Variants in CFAP43 observed in about 807,000 individuals in gnomAD.
CFAP43 encodes cilia and flagella associated protein 43, also known as cilia- and flagella-associated protein 43.
A neutral mutation model predicts 218.9 loss-of-function variants in CFAP43; 155 were observed. The ratio of observed to expected loss-of-function variants is 0.71; its 90% confidence interval spans 0.62 to 0.81. CFAP43 has a LOEUF of 0.81. Among genes scored for constraint, CFAP43 ranks in the 30% least tolerant of loss-of-function variants. CFAP43 has a pLI of 0.00. For missense variants in CFAP43, 1,778 were observed against 1,954.3 expected, an observed-to-expected ratio of 0.91 and a Z score of 1.70; for synonymous variants, 645 against 681.3, an observed-to-expected ratio of 0.95 and a Z score of 0.83.
chr10:104,166,395 C>T, intron 23 of CFAP43, 93 bp downstream of exon 23: 1 of 889,264 alleles, frequency 1.1e-6, no homozygotes, highest in Non-Finnish European at 1.7e-6. Context: ...TTTAAATCAT[C>T]ATTTGATTGG....
intron 15 of CFAP43, 90 bp from the exon 16 acceptor site, chr10:104,185,236 A>C: frequency 2.6e-6 from 4 of 1,515,584 alleles, no homozygotes; most frequent in Non-Finnish European, 3.6e-6. Flanking sequence ...TTTTTTGTGG[A>C]TAAATCATTT....
At chr10:104,201,920 T>TGG (rs1415453831) in intron 8 of CFAP43, among the ~76,000 whole-genome samples, 3 of 152,202 alleles carry the variant, frequency 2.0e-5, no homozygotes, top group African/African-American at 7.2e-5. Context: ...ACTGAAAAGA[T>TGG]GTTTTCATTG....
intron 35 of CFAP43, 28 bp downstream of exon 35, chr10:104,133,592 A>C: frequency 6.3e-7 from 1 of 1,589,112 alleles, no homozygotes; most frequent in Non-Finnish European, 8.5e-7. Context: ...TAAAATTAAA[A>C]CTATGTAGGG....
chr10:104,199,522 C>A (rs886197791), intron 8 of CFAP43, among the ~76,000 whole-genome samples: 1 of 152,080 alleles, frequency 6.6e-6, no homozygotes, highest in Admixed American at 6.5e-5. Flanking sequence ...CCTGCCCTCA[C>A]GGAACTTACC....
At chr10:104,225,840 G>A (rs1321842272) in intron 2 of CFAP43, among the ~76,000 whole-genome samples, 1 of 152,214 alleles carries the variant, frequency 6.6e-6, no homozygotes, top group East Asian at 1.9e-4. Flanking sequence ...GTATGTCCCA[G>A]CATGGTCTGA....
rs1393841961 is a variant in CFAP43 at position 104,179,078 on chromosome 10, G to A, written c.2411C>T (p.Ser804Phe). The A allele has an allele frequency of 9.3e-6, 15 of 1,612,620 alleles. No homozygotes were observed. The African/African-American group carries it at 9.4e-5, about 10-fold the overall frequency. The change falls in exon 19 of 38, where the codon TCC becomes TTC. Residue 804 changes from serine (S) to phenylalanine (F), a missense_variant. Ser to Phe is a radical substitution (Grantham distance 155). Coordinates refer to ENST00000357060, the MANE Select transcript of CFAP43 (RefSeq NM_025145.7). Reference protein sequence around the residue: ...EAIKKEVNLFSKKRKEIKQGI... With the variant: ...EAIKKEVNLFFKKRKEIKQGI... ...TTGTTTTATCTCTTTCCTTTTCTTG[G>A]AAAACAGATTAACCTCCTTTTTGAT...
chr10:104,179,192 GA>G, intron 18 of CFAP43, 86 bp from the exon 19 acceptor site: 1 of 1,143,120 alleles, frequency 8.7e-7, no homozygotes, highest in Admixed American at 2.3e-5. Flanking sequence ...CAATTCTCTA[GA>G]AACAGAAACT....
At chr10:104,166,045 A>G (rs1392259707) in intron 23 of CFAP43, among the ~76,000 whole-genome samples, 1 of 152,118 alleles carries the variant, frequency 6.6e-6, no homozygotes, top group Non-Finnish European at 1.5e-5. Flanking sequence ...CAGTATCTGT[A>G]TATTCCTCTA....
At chr10:104,208,849 T>C (rs1449708405) in intron 5 of CFAP43, among the ~76,000 whole-genome samples, 1 of 152,188 alleles carries the variant, frequency 6.6e-6, no homozygotes, top group East Asian at 1.9e-4. Context: ...AAGTTCATGA[T>C]CTTGGATCCA....
intron 9 of CFAP43, 148 bp from the exon 10 acceptor site, chr10:104,197,081 A>C: frequency 1.7e-6 from 1 of 576,694 alleles, no homozygotes; most frequent in Non-Finnish European, 3.0e-6. Context: ...TATCATTTCA[A>C]CGCCAATGCT....
At chr10:104,178,079 G>A (rs2089693474) in intron 19 of CFAP43, among the ~76,000 whole-genome samples, 1 of 152,158 alleles carries the variant, frequency 6.6e-6, no homozygotes, top group African/African-American at 2.4e-5. Context: ...CAGCAGTCCT[G>A]CATAGGAAGC....
chr10:104,180,115 G>A (rs1020167009), intron 17 of CFAP43, among the ~76,000 whole-genome samples, 183 bp from the exon 18 acceptor site: 2 of 152,122 alleles, frequency 1.3e-5, no homozygotes, highest in Non-Finnish European at 2.9e-5. Context: ...CCACCAGTCT[G>A]CCCTTATAGT....
At chr10:104,182,634 A>C (rs1482898269) in intron 16 of CFAP43, 121 bp from the exon 17 acceptor site, 2 of 953,432 alleles carry the variant, frequency 2.1e-6, no homozygotes, top group Admixed American at 3.9e-5. Flanking sequence ...CCAAGGAAAT[A>C]TGTGGACAAT....
chr10:104,164,383 T>C (rs1374750895), intron 23 of CFAP43, 83 bp from the exon 24 acceptor site: 16 of 1,109,178 alleles, frequency 1.4e-5, no homozygotes, highest in Non-Finnish European at 1.8e-5. Context: ...ACTTTCCCTC[T>C]AAAATCATTC....
intron 4 of CFAP43, 125 bp downstream of exon 4, chr10:104,214,134 T>C: frequency 1.3e-6 from 1 of 790,600 alleles, no homozygotes; most frequent in Non-Finnish European, 1.8e-6. Context: ...CGTATGTGTG[T>C]GTATGTGTGT....
At chr10:104,223,504 A>T (rs770077467) in intron 3 of CFAP43, among the ~76,000 whole-genome samples, 1 of 152,228 alleles carries the variant, frequency 6.6e-6, no homozygotes, top group Non-Finnish European at 1.5e-5. Context: ...TCACACAGCT[A>T]GTAATTTGTG....
Position 104,133,795 on chromosome 10 carries a change from G to C in CFAP43, c.4432-11C>G, listed in dbSNP as rs1451515248. On this transcript the variant is annotated splice_polypyrimidine_tract_variant and intron_variant, in intron 34 of 37. Transcript: ENST00000357060. ...CTTTTGTCCTTGAGTCTTTAAAAAA[G>C]TACATTAGATATCCATATAATATGA... 5.7e-6 allele frequency: 9 copies of C among 1,590,634 alleles called. No homozygotes were observed. Among genetic ancestry groups the C allele is most frequent in the Non-Finnish European group, 7.7e-6 (9 of 1,169,228 alleles).
intron 3 of CFAP43, among the ~76,000 whole-genome samples, chr10:104,224,086 A>G (rs1458953465): frequency 2.0e-5 from 3 of 152,216 alleles, no homozygotes; most frequent in Admixed American, 6.5e-5. Flanking sequence ...CTCTGTCGCC[A>G]AGGCTGGAGT....
In CFAP43 at chr10:104,188,302, T is replaced by C; in HGVS notation, c.1655A>G (p.Glu552Gly). The change falls in exon 13 of 38, where the codon GAG becomes GGG. Residue 552 changes from glutamate (E) to glycine (G), a missense_variant. Glu to Gly is a moderately conservative substitution (Grantham distance 98, BLOSUM62 -2). Transcript: ENST00000357060. Reference sequence around the variant, plus strand: ...CAGTAATGTAGGCAGTGTGAACATCTCCAACCTGCTTCTCCCTGCTTCTGG... The same window carrying C: ...CAGTAATGTAGGCAGTGTGAACATCCCCAACCTGCTTCTCCCTGCTTCTGG... ...SLPEAGRSRL[E>G]MFTLPTLLPQ... The C allele has an allele frequency of 6.2e-7, 1 of 1,614,156 alleles. No individual in the cohort carries two copies. The highest frequency in any genetic ancestry group is 2.2e-5 in the East Asian group (1 of 44,868).
Sources: allele counts gnomAD v4.1 joint callset (sites outside exome capture counted in the v4.1 genomes callset), GRCh38; gene constraint gnomAD v4.1.1; transcripts MANE v1.5; gene names NCBI Gene and HGNC (gene_info 2026-07-23, HGNC 2026-07-21).